Variants in LRRC7 observed in about 807,000 individuals in gnomAD.
LRRC7 encodes leucine-rich repeat-containing protein 7.
Under a neutral mutation model 175.7 loss-of-function variants are expected in LRRC7, and 23 were observed. That is an observed-to-expected ratio of 0.13 (90% confidence interval 0.09 to 0.19). The LOEUF (loss-of-function observed/expected upper bound fraction) is 0.19, where lower values mean the gene tolerates loss of function less well. Ranked by LOEUF, LRRC7 falls within the 10% of genes least tolerant of loss-of-function variation. The pLI, the probability that LRRC7 is intolerant of heterozygous loss-of-function variation, is 1.00. For missense variants in LRRC7, 1,354 were observed against 1,904.7 expected (o/e 0.71, Z 5.38); for synonymous variants, 685 against 680.9 (o/e 1.01, Z -0.09).
chr1:69,723,290 G>A (rs988799638), intron 2 of LRRC7, among the ~76,000 whole-genome samples: 18 of 152,128 alleles, frequency 1.2e-4, no homozygotes, highest in African/African-American at 3.6e-4. Context: ...GACTTCATAC[G>A]TTTTTTATAT....
chr1:69,765,540 G>C (rs531177916), intron 3 of LRRC7, among the ~76,000 whole-genome samples: 2 of 152,086 alleles, frequency 1.3e-5, no homozygotes, highest in South Asian at 2.1e-4. Flanking sequence ...TAATTTAAAG[G>C]ATAGACCATT....
intron 1 of LRRC7, among the ~76,000 whole-genome samples, chr1:69,574,820 GA>G (rs574206435): frequency 9.2e-5 from 14 of 151,988 alleles, no homozygotes; most frequent in Non-Finnish European, 1.5e-4. Context: ...GTGTTCTTCT[GA>G]TCAGTGTAAT....
At chr1:69,940,635 A>T (rs1179095249) in intron 8 of LRRC7, among the ~76,000 whole-genome samples, 6 of 151,956 alleles carry the variant, frequency 3.9e-5, no homozygotes, top group African/African-American at 1.2e-4. Flanking sequence ...CTGCAAAAAT[A>T]AAAAAAATCA....
At chr1:69,882,020 A>C (rs2101614686) in intron 7 of LRRC7, among the ~76,000 whole-genome samples, 1 of 151,670 alleles carries the variant, frequency 6.6e-6, no homozygotes, top group African/African-American at 2.4e-5. Flanking sequence ...CAAAAAAAAA[A>C]AAAAAGCAAA....
intron 8 of LRRC7, among the ~76,000 whole-genome samples, chr1:69,941,363 A>G (rs1477959518): frequency 6.6e-6 from 1 of 152,090 alleles, no homozygotes; most frequent in Non-Finnish European, 1.5e-5. Flanking sequence ...AATTAATTAC[A>G]TTATCAAGAC....
chr1:69,760,095 C>T (rs1670872220), intron 2 of LRRC7, 96 bp from the exon 3 acceptor site: 1 of 1,290,214 alleles, frequency 7.8e-7, no homozygotes. Flanking sequence ...AGACTGTATA[C>T]CAAAATTAAA....
intron 8 of LRRC7, among the ~76,000 whole-genome samples, chr1:69,934,495 G>A (rs866315407): frequency 8.5e-5 from 5 of 59,066 alleles, no homozygotes; most frequent in Non-Finnish European, 1.7e-4. Flanking sequence ...ATATTTTGGC[G>A]GGGGGGGGGC....
intron 18 of LRRC7, among the ~76,000 whole-genome samples, chr1:70,029,132 A>G (rs1369146056): frequency 1.3e-5 from 2 of 152,186 alleles, no homozygotes; most frequent in Non-Finnish European, 2.9e-5. Flanking sequence ...ATTTTGTTGC[A>G]TTTATTAAAC....
intron 1 of LRRC7, among the ~76,000 whole-genome samples, chr1:69,597,390 G>C (rs537046133): frequency 1.3e-5 from 2 of 152,022 alleles, no homozygotes; most frequent in African/African-American, 4.8e-5. Flanking sequence ...ATGAGTTAGA[G>C]ATAATATATG....
chr1:69,743,618 A>G (rs1668951131), intron 2 of LRRC7, among the ~76,000 whole-genome samples: 1 of 152,040 alleles, frequency 6.6e-6, no homozygotes, highest in African/African-American at 2.4e-5. Context: ...AAAGTGGGAA[A>G]TGATAGAAAA....
chr1:70,073,683 C>G (rs4649909), intron 23 of LRRC7, among the ~76,000 whole-genome samples: 3,923 of 152,298 alleles, frequency 0.026, 115 homozygotes, highest in African/African-American at 0.071. Context: ...TCTATATGAT[C>G]ACTTTCAATT....
intron 1 of LRRC7, among the ~76,000 whole-genome samples, chr1:69,602,735 G>T (rs142580829): frequency 2.0e-5 from 3 of 152,234 alleles, no homozygotes; most frequent in Middle Eastern, 3.4e-3. Flanking sequence ...GGTGGCTCGA[G>T]AATCATTGGC....
chr1:69,761,393 A>G (rs1283533432), intron 3 of LRRC7, among the ~76,000 whole-genome samples: 1 of 152,060 alleles, frequency 6.6e-6, no homozygotes, highest in African/African-American at 2.4e-5. Context: ...ATTATGAATA[A>G]TTATTTTTAT....
At chr1:69,762,494 AG>A (rs1046762274) in intron 3 of LRRC7, among the ~76,000 whole-genome samples, 4 of 152,018 alleles carry the variant, frequency 2.6e-5, no homozygotes, top group African/African-American at 9.7e-5. Flanking sequence ...TTGACCAAAA[AG>A]CACAGATGGA....
intron 7 of LRRC7, among the ~76,000 whole-genome samples, chr1:69,926,699 T>G (rs12048634): frequency 0.46 from 69,589 of 151,550 alleles, 16,931 homozygotes; most frequent in East Asian, 0.7. Context: ...GCCTATATAT[T>G]TCTCTGCACG....
At chr1:69,591,102 C>T (rs1646614889) in intron 1 of LRRC7, among the ~76,000 whole-genome samples, 1 of 151,882 alleles carries the variant, frequency 6.6e-6, no homozygotes, top group Non-Finnish European at 1.5e-5. Context: ...CTAAAAAATC[C>T]TATTAAAACA....
chr1:69,745,975 C>T (rs558894765), intron 2 of LRRC7, among the ~76,000 whole-genome samples: 1 of 151,664 alleles, frequency 6.6e-6, no homozygotes, highest in South Asian at 2.1e-4. Flanking sequence ...TCCAAAATAT[C>T]TAAATAGTTC....
intron 1 of LRRC7, among the ~76,000 whole-genome samples, chr1:69,603,347 C>T (rs893526009): frequency 2.6e-5 from 4 of 152,268 alleles, no homozygotes; most frequent in African/African-American, 4.8e-5. Flanking sequence ...TTGTTAATTA[C>T]GTTATCCTGG....
At chr1:69,694,638 G>A (rs1312824199) in intron 2 of LRRC7, among the ~76,000 whole-genome samples, 2 of 152,086 alleles carry the variant, frequency 1.3e-5, no homozygotes, top group Non-Finnish European at 2.9e-5. Context: ...CATGAGGGTA[G>A]CTCCCTCATG....
Sources: gnomAD v4.1 joint callset for allele counts (sites outside exome capture counted in the v4.1 genomes callset) on GRCh38, gnomAD v4.1.1 for gene constraint, MANE v1.5 for transcripts, NCBI Gene and HGNC (gene_info 2026-07-23, HGNC 2026-07-21) for gene names.